ADGRV1: variants seen among roughly 807,000 people sequenced by gnomAD.
ADGRV1 encodes the protein G-protein coupled receptor 98.
In ADGRV1, 359 loss-of-function variants were observed where a neutral mutation model predicts 596.2. That is an observed-to-expected ratio of 0.60 (90% CI 0.55 to 0.66). ADGRV1 has a LOEUF of 0.66. Among genes scored for constraint, ADGRV1 ranks in the 30% least tolerant of loss-of-function variants. The pLI is 0.00. For missense variants in ADGRV1, 7,274 were observed against 7,575.6 expected, an observed-to-expected ratio of 0.96 and a Z score of 1.48; for synonymous variants, 2,681 against 2,679.2, an observed-to-expected ratio of 1.00 and a Z score of -0.02.
intron 1 of ADGRV1, among the ~76,000 whole-genome samples, chr5:90,563,988 C>T (rs1424681159): frequency 6.6e-6 from 1 of 152,120 alleles, no homozygotes; most frequent in African/African-American, 2.4e-5. Context: ...TTCAGTGTAG[C>T]TCATCTTTTG....
chr5:90,739,904 A>G (rs1391347241), intron 50 of ADGRV1, among the ~76,000 whole-genome samples: 1 of 152,226 alleles, frequency 6.6e-6, no homozygotes, highest in African/African-American at 2.4e-5. Context: ...TAGCTGCTGT[A>G]GTTGAGCAGA....
At chr5:90,698,765 A>G (rs1259612609) in intron 34 of ADGRV1, among the ~76,000 whole-genome samples, 1 of 101,268 alleles carries the variant, frequency 9.9e-6, no homozygotes, top group Non-Finnish European at 2.0e-5. Flanking sequence ...ACATCAGACT[A>G]AGGTGCTGGG....
chr5:90,952,795 C>T (rs1777160878), intron 83 of ADGRV1, among the ~76,000 whole-genome samples: 1 of 151,638 alleles, frequency 6.6e-6, no homozygotes, highest in African/African-American at 2.4e-5. Context: ...CTTGATTTGC[C>T]TTGTTTTCTT....
At chr5:91,017,765 C>T (rs144798835) in intron 85 of ADGRV1, among the ~76,000 whole-genome samples, 349 of 151,910 alleles carry the variant, frequency 2.3e-3, no homozygotes, top group Non-Finnish European at 4.2e-3. Context: ...TAGAAAATTT[C>T]GATTTCTAGT....
At chr5:90,702,555 T>G in intron 34 of ADGRV1, among the ~76,000 whole-genome samples, 1 of 151,970 alleles carries the variant, frequency 6.6e-6, no homozygotes. Flanking sequence ...TTAAGAAATC[T>G]TCCTATAAGA....
chr5:91,012,729 T>C (rs1426284570), intron 85 of ADGRV1, among the ~76,000 whole-genome samples: 1 of 151,996 alleles, frequency 6.6e-6, no homozygotes, highest in East Asian at 1.9e-4. Context: ...TTTAATTCCT[T>C]TTTAAACTTT....
At chr5:91,096,040 G>C (rs755280768) in intron 86 of ADGRV1, among the ~76,000 whole-genome samples, 1 of 151,236 alleles carries the variant, frequency 6.6e-6, no homozygotes, top group Non-Finnish European at 1.5e-5. Context: ...AATTACAGAC[G>C]TGAGCCACTG....
chr5:91,050,905 C>T (rs748360393), intron 85 of ADGRV1, among the ~76,000 whole-genome samples: 1 of 152,168 alleles, frequency 6.6e-6, no homozygotes, highest in Non-Finnish European at 1.5e-5. Flanking sequence ...AAAGTGATAT[C>T]CACTAGAATG....
At chr5:90,948,130 C>A (rs1053399305) in intron 83 of ADGRV1, among the ~76,000 whole-genome samples, 3 of 152,112 alleles carry the variant, frequency 2.0e-5, no homozygotes, top group African/African-American at 7.2e-5. Context: ...TTAAAGCTAT[C>A]ACTAATGAAG....
chr5:91,044,234 A>ACAAT (rs1785605082), intron 85 of ADGRV1, among the ~76,000 whole-genome samples: 1 of 152,120 alleles, frequency 6.6e-6, no homozygotes, highest in Admixed American at 6.6e-5. Flanking sequence ...CATATGAAAC[A>ACAAT]CTTAAGATTG....
chr5:91,155,142 A>G (rs1374587642), intron 89 of ADGRV1, among the ~76,000 whole-genome samples: 2 of 152,200 alleles, frequency 1.3e-5, no homozygotes, highest in African/African-American at 4.8e-5. Context: ...TTTGCTAGGA[A>G]AAATAGACAT....
chr5:90,854,968 T>A (rs1402758769), intron 81 of ADGRV1, among the ~76,000 whole-genome samples: 1 of 152,182 alleles, frequency 6.6e-6, no homozygotes, highest in Admixed American at 6.5e-5. Context: ...AAAACAAATC[T>A]TAAACCTAAT....
In ADGRV1 at chr5:90,622,667, A is replaced by G. The variant is rs1434104532; in HGVS notation, c.524A>G (p.Lys175Arg). The change falls in exon 5 of 90, where the codon AAG becomes AGG. Residue 175 changes from lysine to arginine, a missense_variant. Lys to Arg is a conservative substitution (Grantham distance 26). Coordinates refer to ENST00000405460, the MANE Select transcript of ADGRV1 (RefSeq NM_032119.4). ...ESMPLTLIRE[K>R]GTYGMVMVTF... is the part of the protein sequence containing the mutation. ...ATGCCTCTTACTCTCATCAGGGAAAAGGGAACCTATGGAATGGTCATGGTG... is the reference window on the plus strand; with the variant it reads ...ATGCCTCTTACTCTCATCAGGGAAAGGGGAACCTATGGAATGGTCATGGTG... 3 of 1,556,396 alleles carry G rather than the reference A, an allele frequency of 1.9e-6. No homozygotes were observed. The highest frequency in any genetic ancestry group is 8.7e-7 in the Non-Finnish European group (1 of 1,149,028).
chr5:90,692,225 A>C (rs1746567700), intron 31 of ADGRV1, among the ~76,000 whole-genome samples: 1 of 152,180 alleles, frequency 6.6e-6, no homozygotes, highest in African/African-American at 2.4e-5. Context: ...AATAAAGCAT[A>C]GTATATTAAC....
At chr5:90,860,861 A>G (rs138276558) in intron 82 of ADGRV1, among the ~76,000 whole-genome samples, 9 of 152,310 alleles carry the variant, frequency 5.9e-5, no homozygotes, top group African/African-American at 2.2e-4. Context: ...GGAAAATTTC[A>G]TGAGAAAACG....
rs146290519 is a variant in ADGRV1, at chr5:90,589,858, G to A, written c.23-24977G>A. 9.4e-3 allele frequency among the ~76,000 whole-genome samples: 1,432 copies of A among 152,146 alleles called. 17 individuals carry two copies. The highest frequency in any genetic ancestry group is 0.016 in the Admixed American group (238 of 15,286). On this transcript the variant is annotated intron_variant, in intron 1 of 89. Transcript: ENST00000405460. ...CAATGTAGAAACTATGGAAAACATAGAAAAGCACAAAGAAACACCAAAATT... is the reference window on the plus strand; with the variant it reads ...CAATGTAGAAACTATGGAAAACATAAAAAAGCACAAAGAAACACCAAAATT...
intron 83 of ADGRV1, among the ~76,000 whole-genome samples, chr5:90,879,629 G>A (rs7718692): frequency 0.14 from 20,552 of 151,550 alleles, 2,442 homozygotes; most frequent in African/African-American, 0.31. Flanking sequence ...ATGGTAAGGC[G>A]TATGTTTAAT....
rs375613551 is a variant in ADGRV1, at chr5:90,753,791, G to T, written c.11339G>T (p.Arg3780Leu). 6.2e-6 allele frequency: 10 copies of T among 1,611,522 alleles called. No individual in the cohort carries two copies. The highest frequency in any genetic ancestry group is 1.1e-5 in the South Asian group (1 of 90,818). Residue 3780 changes from arginine to leucine, a missense_variant, in exon 54 of 90, where the codon CGT (arginine) becomes CTT (leucine). Transcript: ENST00000405460. ...TCACCTTTTGGCTTGGTGGGCTGGC[G>T]TGCTGCGTCTGTCTTCATTAGAGTA... ...NDSPFGLVGW[R>L]AASVFIRVAE...
Position 90,637,707 on chromosome 5 carries a change from T to G in ADGRV1, c.2017-18T>G. ...ATATATTTTAGAAGAAATTGTTCTG[T>G]TCTTTTCTTTTTATAAGGTATACAT... is the stretch of plus-strand genomic sequence containing the variant. On this transcript the variant is annotated intron_variant, in intron 10 of 89. Coordinates refer to ENST00000405460, the MANE Select transcript of ADGRV1 (RefSeq NM_032119.4). The G allele has an allele frequency of 6.5e-7, 1 of 1,531,216 alleles. No individual in the cohort carries two copies. The allele number at this position is 1,531,216 out of a possible 1,614,324, so 94.9% of individuals were successfully genotyped here. A position where few individuals can be genotyped will look rare whatever the true frequency, so the allele number is the denominator to read the frequency against.
Sources: allele counts gnomAD v4.1 joint callset (sites outside exome capture counted in the v4.1 genomes callset), GRCh38; gene constraint gnomAD v4.1.1; transcripts MANE v1.5; gene names NCBI Gene and HGNC (gene_info 2026-07-23, HGNC 2026-07-21).